Variants in TTN observed in about 807,000 individuals in gnomAD.
The protein encoded by TTN is titin, also known as connectin.
TTN carries 1,525 observed loss-of-function variants against 3,223.0 expected under a neutral mutation model. That is an observed-to-expected ratio of 0.47 (90% CI 0.45 to 0.49). The LOEUF is 0.49. Ranked by LOEUF, TTN falls within the 20% of genes least tolerant of loss-of-function variation. The pLI is 0.00. For synonymous variants in TTN, 14,094 were observed against 15,161.0 expected, an observed-to-expected ratio of 0.93 and a Z score of 5.17; for missense variants, 40,786 against 43,424.0, an observed-to-expected ratio of 0.94 and a Z score of 5.40.
chr2:178,747,438 A>G, intron 47 of TTN: 1 of 1,613,384 alleles, frequency 6.2e-7, no homozygotes, highest in Non-Finnish European at 8.5e-7. Context: ...GGTGGGGTAT[A>G]AAACTGATCT....
At position 178,593,013 on chromosome 2, in the gene TTN, C is replaced by A. The variant is rs1380151837; in HGVS notation, c.59106G>T (p.Gln19702His). 1.2e-6 allele frequency: 2 copies of A among 1,613,468 alleles called. No individual in the cohort carries two copies. Among genetic ancestry groups the A allele is most frequent in the Non-Finnish European group, 1.7e-6 (2 of 1,179,630 alleles). Reference protein sequence around the residue: ...TTCNSVDLTWQPPRHDGGSKI... With the variant: ...TTCNSVDLTWHPPRHDGGSKI... ...TGCTCCCACCATCATGACGTGGTGG[C>A]TGCCAAGTTAGATCGACTGAATTGC... The change falls in exon 300 of 363, where the codon CAG becomes CAT. Residue 19702 changes from glutamine (Q) to histidine (H), a missense_variant. Transcript: ENST00000589042.
At chr2:178,678,360 A>G (rs764861199) in intron 144 of TTN, 54 bp downstream of exon 144, 36 of 1,516,768 alleles carry the variant, frequency 2.4e-5, no homozygotes, top group Admixed American at 8.1e-5. Flanking sequence ...GTATGTGAGT[A>G]TACATAGATG....
At chr2:178,792,248 T>C in intron 9 of TTN, 51 bp from the exon 10 acceptor site, 1 of 1,548,608 alleles carries the variant, frequency 6.5e-7, no homozygotes, top group Non-Finnish European at 8.7e-7. Context: ...CCCAATGAAA[T>C]AATATGGTGT....
rs377454600 is a variant in TTN at position 178,600,829 on chromosome 2, T to G, written c.56050+25A>C. ...AGGAAGGCAGCTGTAAGGAGGACAT[T>G]CTTTGTCAGTACATTGGTACTTACA... On this transcript the variant is annotated intron_variant, in intron 288 of 362. Transcript: ENST00000589042. 8.7e-6 allele frequency: 14 copies of G among 1,612,254 alleles called. No individual in the cohort carries two copies. In the African/African-American group the frequency reaches 1.9e-4, roughly 22 times the overall value.
chr2:178,680,178 G>T lies in TTN; in HGVS notation c.33418+76C>A, dbSNP rs1023370227. ...AAGATTTACTTTTCCCACAAAAGAA[G>T]TTTTCACACACAGAACTGAAGAGGA... On this transcript the variant is annotated intron_variant, in intron 139 of 362. Transcript: ENST00000589042. The T allele has an allele frequency of 3.8e-6, 6 of 1,584,948 alleles. No homozygotes were observed. In the Admixed American group the frequency reaches 1.1e-4, roughly 29 times the overall value.
Position 178,722,728 on chromosome 2 carries a change from C to T in TTN, c.22171G>A (p.Gly7391Arg). ...VFNKVNINDSGEYTCKAENSI... is the reference protein window; with the variant it reads ...VFNKVNINDSREYTCKAENSI... ...TTTTCTGCTTTGCATGTGTACTCTC[C>T]ACTGTCATTGATGTTCACTTTATTA... Residue 7391 changes from glycine to arginine, a missense_variant, in exon 76 of 363, where the codon GGA becomes AGA. Coordinates refer to ENST00000589042, the MANE Select transcript of TTN (RefSeq NM_001267550.2). The T allele has an allele frequency of 3.1e-6, 5 of 1,613,096 alleles. No individual in the cohort carries two copies. In the South Asian group the frequency reaches 4.4e-5, roughly 14 times the overall value.
In TTN at chr2:178,543,024, C is replaced by G. The variant is rs766054768; in HGVS notation, c.96904+45G>C. ...AATTGTTACGAATTCTGAATGTTTT[C>G]ATTTTACTTTACTTTTTTTTTTTTT... On this transcript the variant is annotated intron_variant, in intron 347 of 362. Coordinates refer to ENST00000589042, the MANE Select transcript of TTN (RefSeq NM_001267550.2). 10 of 1,476,258 alleles carry G rather than the reference C, an allele frequency of 6.8e-6. No homozygotes were observed. The Admixed American group carries it at 2.0e-4, about 30-fold the overall frequency. The allele number at this position is 1,476,258 out of a possible 1,614,324, so 91.4% of individuals were successfully genotyped here.
At position 178,586,724 on chromosome 2, in the gene TTN, C is replaced by G; in HGVS notation, c.64177G>C (p.Asp21393His). 6.2e-7 allele frequency: 1 copy of G among 1,613,098 alleles called. No individual in the cohort carries two copies. The highest frequency in any genetic ancestry group is 1.1e-5 in the South Asian group (1 of 91,048). The change falls in exon 308 of 363, where the codon GAT becomes CAT. Residue 21393 changes from aspartate (D) to histidine (H), a missense_variant. Coordinates refer to ENST00000589042, the MANE Select transcript of TTN (RefSeq NM_001267550.2). ...TAGCCATCGATTTTAGCACCTCCATCACGTAGGGGAGGTAACCAGGCTAAG... is the reference window on the plus strand; with the variant it reads ...TAGCCATCGATTTTAGCACCTCCATGACGTAGGGGAGGTAACCAGGCTAAG... Reference protein sequence around the residue: ...ATLAWLPPLRDGGAKIDGYIT... With the variant: ...ATLAWLPPLRHGGAKIDGYIT...
chr2:178,608,681 G>T lies in TTN; in HGVS notation c.52330C>A (p.Arg17444Ser). ...CCAAATCTGTTTTCAGCTCTTACAC[G>T]GAAGAGGTACTCTTTTCCTTCAATC... is the stretch of plus-strand genomic sequence containing the variant. ...KLIEGKEYLF[R>S]VRAENRFGPG... Residue 17444 changes from arginine (R) to serine (S), a missense_variant, in exon 274 of 363, where the codon CGT becomes AGT. Coordinates refer to ENST00000589042, the MANE Select transcript of TTN (RefSeq NM_001267550.2). 1 of 1,612,136 alleles carries T rather than the reference G, an allele frequency of 6.2e-7. No homozygotes were observed.
rs1267898928 is a variant in TTN, at chr2:178,562,539, G to A, written c.83593C>T (p.Leu27865Phe). 6.2e-7 allele frequency: 1 copy of A among 1,610,186 alleles called. No homozygotes were observed. The highest frequency in any genetic ancestry group is 8.5e-7 in the Non-Finnish European group (1 of 1,178,582). ...ACAAGAGTTACTCTTCCAGGTGGGA[G>A]GGGTGGTTCAGACACTTTAACGGGT... ...TEPVKVSEPPLPPGRVTLVDV... is the reference protein window; with the variant it reads ...TEPVKVSEPPFPPGRVTLVDV... Residue 27865 changes from leucine (L) to phenylalanine (F), a missense_variant, in exon 326 of 363, where the codon CTC (leucine) becomes TTC (phenylalanine). By Grantham distance (22) the Leu-to-Phe change is conservative. Coordinates refer to ENST00000589042, the MANE Select transcript of TTN (RefSeq NM_001267550.2).
At position 178,775,787 on chromosome 2, in the gene TTN, G is replaced by C; in HGVS notation, c.6077C>G (p.Ser2026Cys). Residue 2026 changes from serine (S) to cysteine (C), a missense_variant, in exon 28 of 363, where the codon TCC becomes TGC. Coordinates refer to ENST00000589042, the MANE Select transcript of TTN (RefSeq NM_001267550.2). ...VELKSRKKDE[S>C]YEELLRKTKD... ...TGTCTTCCTGAGGAGTTCCTCATAG[G>C]ATTCATCCTTCTTTCGAGACTTGAG... 1 of 1,613,580 alleles carries C rather than the reference G, an allele frequency of 6.2e-7. No individual in the cohort carries two copies. The highest frequency in any genetic ancestry group is 8.5e-7 in the Non-Finnish European group (1 of 1,179,874).
Position 178,786,000 on chromosome 2 carries a change from G to A in TTN, c.2218C>T (p.Arg740Cys). The A allele has an allele frequency of 1.9e-6, 3 of 1,614,104 alleles. No individual in the cohort carries two copies. Among genetic ancestry groups the A allele is most frequent in the South Asian group, 2.2e-5 (2 of 91,080 alleles). The change falls in exon 14 of 363, where the codon CGC becomes TGC. Residue 740 changes from arginine to cysteine, a missense_variant. By Grantham distance (180) the Arg-to-Cys change is radical. Transcript: ENST00000589042. ...TCAGCTACCTTTGCGGCGGAAATGC[G>A]TTCCTTATATCCGTACTCCAAAGTG... is the stretch of plus-strand genomic sequence containing the variant. ...QTTLEYGYKE[R>C]ISAAKVAEPP...
rs745413195 is a variant in TTN at position 178,749,258 on chromosome 2, G to A, written c.11311+3866C>T. ...GACATCACTGAAATCATCAACAAAT[G>A]GATAAACAGTACCCTCTGCTTGGTG... On this transcript the variant is annotated intron_variant, in intron 47 of 362. Transcript: ENST00000589042. 1 of 1,611,642 alleles carries A rather than the reference G, an allele frequency of 6.2e-7. No individual in the cohort carries two copies. Among genetic ancestry groups the A allele is most frequent in the Admixed American group, 1.7e-5 (1 of 59,866 alleles).
chr2:178,691,556 G>C (rs897721078), intron 121 of TTN, among the ~76,000 whole-genome samples: 1 of 152,126 alleles, frequency 6.6e-6, no homozygotes, highest in Non-Finnish European at 1.5e-5. Context: ...TAAGAAGCGT[G>C]GTACTATGTA....
rs368724043 is a variant in TTN, at chr2:178,551,039, C to T, written c.91492G>A (p.Ala30498Thr). The change falls in exon 336 of 363, where the codon GCA (alanine) becomes ACA (threonine). Residue 30498 changes from alanine to threonine, a missense_variant. Transcript: ENST00000589042. ...CTTATAGTTCCAACAGCATTTCTTG[C>T]AATTATTCTGAACTCATAGCGATCC... Reference protein sequence around the residue: ...PGDRYEFRIIARNAVGTISPP... With the variant: ...PGDRYEFRIITRNAVGTISPP... 6.2e-7 allele frequency: 1 copy of T among 1,613,416 alleles called. No homozygotes were observed. Among genetic ancestry groups the T allele is most frequent in the African/African-American group, 1.3e-5 (1 of 74,998 alleles).
At position 178,671,951 on chromosome 2, in the gene TTN, A is replaced by G; in HGVS notation, c.35227+20T>C. 1.9e-6 allele frequency: 3 copies of G among 1,578,070 alleles called. No homozygotes were observed. The highest frequency in any genetic ancestry group is 2.6e-6 in the Non-Finnish European group (3 of 1,171,090). On this transcript the variant is annotated intron_variant, in intron 155 of 362. Transcript: ENST00000589042. Reference sequence around the variant, plus strand: ...AGAGCAAGATATAAGAATTTGTAGTATTTGAAGAATTCCCTATACCTTTAG... The same window carrying G: ...AGAGCAAGATATAAGAATTTGTAGTGTTTGAAGAATTCCCTATACCTTTAG...
At position 178,567,730 on chromosome 2, in the gene TTN, A is replaced by G. The variant is rs1411667873; in HGVS notation, c.78402T>C (p.Arg26134=). 1.2e-6 allele frequency: 2 copies of G among 1,612,500 alleles called. No homozygotes were observed. Among genetic ancestry groups the G allele is most frequent in the East Asian group, 2.2e-5 (1 of 44,766 alleles). ...IVEKRDLPDG[R]WMKASFTNVI... ...CATTTGTAAAGCTAGCTTTCATCCA[A>G]CGACCATCAGGCAAATCACGTTTCT... Residue 26134 remains arginine, a synonymous_variant, in exon 326 of 363, where the codon CGT becomes CGC. Transcript: ENST00000589042.
chr2:178,739,984 CAGAGA>C lies in TTN; in HGVS notation c.13244_13248del (p.Phe4415Ter). ...ACCTTTTCAATATTTCTTAGCCACTCAGAGAAAAGACCTGGCTGCTCGCTGGCCAC... is the reference window on the plus strand; with the variant it reads ...ACCTTTTCAATATTTCTTAGCCACTCAAAGACCTGGCTGCTCGCTGGCCAC... On this transcript the variant is annotated frameshift_variant, in exon 48 of 363. Transcript: ENST00000589042. LOFTEE classifies it high-confidence loss of function. 1 of 1,613,878 alleles carries C rather than the reference CAGAGA, an allele frequency of 6.2e-7. No homozygotes were observed. The highest frequency in any genetic ancestry group is 8.5e-7 in the Non-Finnish European group (1 of 1,179,822).
Position 178,586,803 on chromosome 2 carries a change from C to T in TTN, c.64098G>A (p.Glu21366=). ...KPVLASDPLS[E]PDPPRKLEVT... ...CTTCTAATTTCCTTGGGGGATCCGG[C>T]TCACCTAGAAGAAAAACATAATTTA... is the stretch of plus-strand genomic sequence containing the variant. Residue 21366 remains glutamate (E), a synonymous_variant, in exon 308 of 363, where the codon GAG becomes GAA. Transcript: ENST00000589042. 6.2e-7 allele frequency: 1 copy of T among 1,609,770 alleles called. No individual in the cohort carries two copies. The highest frequency in any genetic ancestry group is 8.5e-7 in the Non-Finnish European group (1 of 1,178,632).
Sources: gnomAD v4.1 joint callset for allele counts (sites outside exome capture counted in the v4.1 genomes callset) on GRCh38, gnomAD v4.1.1 for gene constraint, MANE v1.5 for transcripts, NCBI Gene and HGNC (gene_info 2026-07-23, HGNC 2026-07-21) for gene names.